Variants in LRRK1 observed in about 807,000 individuals in gnomAD.
The protein encoded by LRRK1 is leucine-rich repeat serine/threonine-protein kinase 1.
In LRRK1, 113 loss-of-function variants were observed where a neutral mutation model predicts 209.1. The ratio of observed to expected loss-of-function variants is 0.54; its 90% confidence interval spans 0.46 to 0.63. The LOEUF (loss-of-function observed/expected upper bound fraction) is 0.63, where lower values mean the gene tolerates loss of function less well. Among genes scored for constraint, LRRK1 ranks in the 30% least tolerant of loss-of-function variants. LRRK1 has a pLI of 0.00. For synonymous variants in LRRK1, 1,144 were observed against 1,099.7 expected (o/e 1.04, Z -0.80); for missense variants, 2,284 against 2,632.2 (o/e 0.87, Z 2.89).
chr15:100,938,875 T>C (rs1475519368), intron 2 of LRRK1, among the ~76,000 whole-genome samples: 1 of 152,052 alleles, frequency 6.6e-6, no homozygotes, highest in Non-Finnish European at 1.5e-5. Flanking sequence ...GTGGATCACC[T>C]GAGGTCAGGA....
intron 10 of LRRK1, among the ~76,000 whole-genome samples, chr15:101,013,448 G>C (rs1472425257): frequency 6.6e-6 from 1 of 151,982 alleles, no homozygotes; most frequent in Non-Finnish European, 1.5e-5. Context: ...TAAAACGTGG[G>C]CCAGGCATGA....
rs146321832 is a variant in LRRK1 at position 100,977,574 on chromosome 15, C to T, written c.261+3607C>T. The stretch of plus-strand genomic sequence containing the variant: ...ACATGCATTCCCCATCTAACTAGGG[C>T]AGAATTGAAGCAGGCCTAGAGGAGA... On this transcript the variant is annotated intron_variant, in intron 3 of 33. Coordinates refer to ENST00000388948, the MANE Select transcript of LRRK1 (RefSeq NM_024652.6). Among the ~76,000 whole-genome samples, 1,192 of 152,302 alleles carry T rather than the reference C, an allele frequency of 7.8e-3. 17 individuals carry two copies. Among genetic ancestry groups the T allele is most frequent in the African/African-American group, 0.028 (1,145 of 41,566 alleles).
In LRRK1 at chr15:101,045,962, C is replaced by T. The variant is rs547336713; in HGVS notation, c.2964-19C>T. 3.7e-6 allele frequency: 6 copies of T among 1,611,814 alleles called. No homozygotes were observed. In the East Asian group the frequency reaches 6.7e-5, roughly 18 times the overall value. ...AGCTTGGGCCCCACTGTTCACCAGT[C>T]CCCCTTGGTGTGTTTCAGCTACCTC... On this transcript the variant is annotated intron_variant, in intron 20 of 33. Transcript: ENST00000388948.
At chr15:101,046,668 G>C (rs1173652420) in intron 21 of LRRK1, among the ~76,000 whole-genome samples, 1 of 152,200 alleles carries the variant, frequency 6.6e-6, no homozygotes. Context: ...CAGGGTCTTT[G>C]AGTGTGGCAT....
intron 20 of LRRK1, among the ~76,000 whole-genome samples, chr15:101,034,338 T>C (rs569922860): frequency 8.5e-5 from 13 of 152,308 alleles, no homozygotes; most frequent in African/African-American, 2.9e-4. Context: ...CCTAGACCAA[T>C]GTCCTGAAGT....
chr15:100,962,821 A>ATT (rs1430253898), intron 2 of LRRK1, among the ~76,000 whole-genome samples: 4 of 14,696 alleles, frequency 2.7e-4, no homozygotes, highest in African/African-American at 4.3e-4. Flanking sequence ...ATATATATAT[A>ATT]TATTTTTTTT....
chr15:101,065,870 C>T lies in LRRK1; in HGVS notation c.5433C>T (p.Asp1811=). The change falls in exon 32 of 34, where the codon GAC becomes GAT. Residue 1811 remains aspartate (D), a synonymous_variant. Transcript: ENST00000388948. ...CCAACCCAAAGGTGCCTGAGGGGGA[C>T]TCCATCGCGGACGTGAGCATCATGT... ...HTANPKVPEG[D]SIADVSIMYS... 6.2e-7 allele frequency: 1 copy of T among 1,614,160 alleles called. No individual in the cohort carries two copies. The highest frequency in any genetic ancestry group is 8.5e-7 in the Non-Finnish European group (1 of 1,180,040).
chr15:101,076,641 A>G lies in LRRK1; in HGVS notation c.*7793A>G, dbSNP rs1025449820. ...CATTTCCTTTCCATCGTGGAAATCT[A>G]TCCTCAAGGAAATAACTTCTCAGTG... On this transcript the variant is annotated 3_prime_UTR_variant, in exon 34 of 34. Coordinates refer to ENST00000388948, the MANE Select transcript of LRRK1 (RefSeq NM_024652.6). 6.6e-5 allele frequency: 10 copies of G among 152,262 alleles called. No homozygotes were observed. The highest frequency in any genetic ancestry group is 1.3e-4 in the Non-Finnish European group (9 of 68,140). 9.4% of individuals were successfully genotyped at this position (152,262 alleles called of 1,614,324 possible). A position where few individuals can be genotyped will look rare whatever the true frequency, so the allele number is the denominator to read the frequency against.
chr15:101,049,858 C>T (rs2035302309), intron 23 of LRRK1, 75 bp downstream of exon 23: 14 of 1,478,860 alleles, frequency 9.5e-6, no homozygotes, highest in South Asian at 2.7e-5. Flanking sequence ...CTGCTGCTTT[C>T]GGGGTGGACA....
At chr15:101,049,378 T>C (rs533810976) in intron 22 of LRRK1, 1 of 387,266 alleles carries the variant, frequency 2.6e-6, no homozygotes, top group East Asian at 4.5e-5. Flanking sequence ...GGAACTTCCT[T>C]AGGGCCTCAC....
chr15:100,942,689 T>C (rs1035527040), intron 2 of LRRK1, among the ~76,000 whole-genome samples: 1 of 152,254 alleles, frequency 6.6e-6, no homozygotes, highest in Admixed American at 6.5e-5. Flanking sequence ...GAATGCTTTT[T>C]CTTTTCTTTT....
chr15:100,931,832 G>A (rs771256019), intron 2 of LRRK1, among the ~76,000 whole-genome samples: 5 of 152,198 alleles, frequency 3.3e-5, no homozygotes, highest in Non-Finnish European at 7.3e-5. Flanking sequence ...CCTGGTGCCT[G>A]ACTCCTCCCT....
At chr15:100,929,540 C>A (rs1383609405) in intron 2 of LRRK1, among the ~76,000 whole-genome samples, 2 of 152,188 alleles carry the variant, frequency 1.3e-5, no homozygotes, top group Admixed American at 1.3e-4. Context: ...TCTCTTCCTG[C>A]CTTCCAGAAA....
chr15:100,987,183 G>C (rs947120320), intron 4 of LRRK1, among the ~76,000 whole-genome samples: 1 of 152,146 alleles, frequency 6.6e-6, no homozygotes, highest in Admixed American at 6.5e-5. Context: ...TATGCTACAT[G>C]CTTTATTTGG....
chr15:101,057,815 CTGGATGGG>C (rs2035898538), intron 28 of LRRK1, among the ~76,000 whole-genome samples, 167 bp from the exon 29 acceptor site: 1 of 152,214 alleles, frequency 6.6e-6, no homozygotes, highest in Admixed American at 6.5e-5. Flanking sequence ...ACCCAGATAC[CTGGATGGG>C]TTTGCTCCTG....
rs755011610 is a variant in LRRK1, at chr15:101,027,618, C to T, written c.2527-20C>T. The T allele has an allele frequency of 1.9e-6, 3 of 1,606,856 alleles. No homozygotes were observed. The highest frequency in any genetic ancestry group is 2.0e-4 in the Middle Eastern group (1 of 5,054). ...TGCCTTGGGACCTGAGAGACCCTGCCTCGCCCAACTGTCCCCCAGATCCCC... is the reference window on the plus strand; with the variant it reads ...TGCCTTGGGACCTGAGAGACCCTGCTTCGCCCAACTGTCCCCCAGATCCCC... On this transcript the variant is annotated intron_variant, in intron 18 of 33. Transcript: ENST00000388948. This position sits in a 1 kb window ranked among gnomAD's most constrained non-coding sequence, Gnocchi z 5.1.
intron 26 of LRRK1, among the ~76,000 whole-genome samples, chr15:101,054,140 T>C (rs2035650782): frequency 6.6e-6 from 1 of 152,058 alleles, no homozygotes; most frequent in Non-Finnish European, 1.5e-5. Context: ...ACCCAGCTAA[T>C]TTGTTGTTGT....
At chr15:100,988,048 T>G (rs76112349) in intron 4 of LRRK1, among the ~76,000 whole-genome samples, 6,990 of 152,250 alleles carry the variant, frequency 0.046, 210 homozygotes, top group Middle Eastern at 0.075. Flanking sequence ...TGTGGGGAAA[T>G]GTCATATGCA....
Position 101,065,427 on chromosome 15 carries a change from G to A in LRRK1, c.4990G>A (p.Asp1664Asn), listed in dbSNP as rs570984561. The stretch of plus-strand genomic sequence containing the variant: ...TCCCGTGGTGCGGGGCACCCCAAAG[G>A]ACAGCTGCTCCTACCTGTGCTCACA... The part of the protein sequence containing the change: ...VFPVVRGTPK[D>N]SCSYLCSHTA... The change falls in exon 32 of 34, where the codon GAC becomes AAC. Residue 1664 changes from aspartate (D) to asparagine (N), a missense_variant. This residue lies in a region of LRRK1 where 643 missense variants were observed against 695.9 expected (regional missense o/e 0.92). Transcript: ENST00000388948. The A allele has an allele frequency of 6.2e-7, 1 of 1,614,174 alleles. No homozygotes were observed.
Sources: allele counts gnomAD v4.1 joint callset (sites outside exome capture counted in the v4.1 genomes callset), GRCh38; gene constraint gnomAD v4.1.1; regional missense constraint gnomAD v4.1.1; non-coding constraint Gnocchi (gnomAD v3.1); transcripts MANE v1.5; gene names NCBI Gene and HGNC (gene_info 2026-07-23, HGNC 2026-07-21).